The following SPAG16 variants were observed in gnomAD, a reference collection of about 807,000 sequenced individuals.
The protein encoded by SPAG16 is sperm associated antigen 16.
A neutral mutation model predicts 80.4 loss-of-function variants in SPAG16; 86 were observed. The observed-to-expected ratio is 1.07, with a 90% CI of 0.90 to 1.28. SPAG16 has a LOEUF of 1.28. SPAG16 is among the 50% of genes most tolerant of loss of function. The pLI is 0.00. For missense variants in SPAG16, 870 were observed against 765.3 expected (o/e 1.14, Z -1.61); for synonymous variants, 294 against 265.9 (o/e 1.11, Z -1.03).
rs138149501 is a variant in SPAG16 at position 213,827,702 on chromosome 2, A to T, written c.1071-34783A>T. 9.5e-3 allele frequency among the ~76,000 whole-genome samples: 1,441 copies of T among 152,106 alleles called. 14 individuals are homozygous for T. Among genetic ancestry groups the T allele is most frequent in the South Asian group, 0.032 (156 of 4,824 alleles). On this transcript the variant is annotated intron_variant, in intron 10 of 15. Coordinates refer to ENST00000331683, the MANE Select transcript of SPAG16 (RefSeq NM_024532.5). Reference sequence around the variant, plus strand: ...CTCCCTTTAGCATTTCTTGTAGGACAGGTCTGGTGTTGAAATTCCAGAGCT... The same window carrying T: ...CTCCCTTTAGCATTTCTTGTAGGACTGGTCTGGTGTTGAAATTCCAGAGCT...
At chr2:213,827,293 A>G (rs908278534) in intron 10 of SPAG16, among the ~76,000 whole-genome samples, 1 of 151,254 alleles carries the variant, frequency 6.6e-6, no homozygotes, top group Non-Finnish European at 1.5e-5. Context: ...GTGATTTTCT[A>G]TGGTGATTTG....
At chr2:214,222,105 C>CTATTCTTT (rs2058587165) in intron 15 of SPAG16, among the ~76,000 whole-genome samples, 4 of 116,666 alleles carry the variant, frequency 3.4e-5, no homozygotes, top group African/African-American at 1.1e-4. Context: ...AGTTTCCTTG[C>CTATTCTTT]TATTCTTTTT....
chr2:214,086,212 C>T (rs1356725967), intron 13 of SPAG16, among the ~76,000 whole-genome samples: 2 of 152,122 alleles, frequency 1.3e-5, no homozygotes, highest in African/African-American at 4.8e-5. Context: ...CAAAATATTG[C>T]CTTGCACAAA....
chr2:213,323,275 C>T (rs2063700359), intron 5 of SPAG16, among the ~76,000 whole-genome samples: 1 of 151,996 alleles, frequency 6.6e-6, no homozygotes, highest in Non-Finnish European at 1.5e-5. Context: ...CCCGTCTCTT[C>T]TAAAAAATAC....
chr2:214,329,179 C>A (rs72952050), intron 15 of SPAG16, among the ~76,000 whole-genome samples: 16 of 152,348 alleles, frequency 1.1e-4, no homozygotes, highest in African/African-American at 3.4e-4. Flanking sequence ...CTGGGGATGG[C>A]TCCATCTCAA....
intron 3 of SPAG16, among the ~76,000 whole-genome samples, chr2:213,300,228 C>G (rs1039956811): frequency 6.6e-6 from 1 of 152,168 alleles, no homozygotes; most frequent in Admixed American, 6.6e-5. Context: ...TTTTCCTCCT[C>G]CTGCTACCCC....
At chr2:213,864,065 A>G (rs1158974950) in intron 11 of SPAG16, among the ~76,000 whole-genome samples, 2 of 152,168 alleles carry the variant, frequency 1.3e-5, no homozygotes, top group South Asian at 2.1e-4. Context: ...ATTAATAAAA[A>G]AGAAAAAATG....
chr2:213,502,926 G>C (rs551911998), intron 10 of SPAG16, among the ~76,000 whole-genome samples: 1 of 152,274 alleles, frequency 6.6e-6, no homozygotes, highest in South Asian at 2.1e-4. Flanking sequence ...TGAGTTCCTA[G>C]AAAACAGTGA....
At chr2:213,544,183 C>A (rs1213881152) in intron 10 of SPAG16, among the ~76,000 whole-genome samples, 16 of 151,890 alleles carry the variant, frequency 1.1e-4, no homozygotes, top group Admixed American at 9.8e-4. Context: ...TGAATAACTT[C>A]TTTGACTTTA....
At chr2:213,800,311 C>T (rs1231331112) in intron 10 of SPAG16, among the ~76,000 whole-genome samples, 1 of 147,944 alleles carries the variant, frequency 6.8e-6, no homozygotes, top group Non-Finnish European at 1.5e-5. Context: ...TCCCTTTCTC[C>T]TTCCCTCCCT....
chr2:213,907,616 C>T (rs1352565594), intron 11 of SPAG16, among the ~76,000 whole-genome samples: 1 of 152,032 alleles, frequency 6.6e-6, no homozygotes, highest in African/African-American at 2.4e-5. Context: ...CACAATAAAT[C>T]AACCTAAATG....
chr2:214,134,121 CAT>C lies in SPAG16; in HGVS notation c.1594-15017_1594-15016del, dbSNP rs577558694. On this transcript the variant is annotated intron_variant, in intron 14 of 15. Transcript: ENST00000331683. Reference sequence around the variant, plus strand: ...CAGCAGTCTGGACTTAATGACGACTCATAGTTTCTGACTGATCTCCAAATCCA... The same window carrying C: ...CAGCAGTCTGGACTTAATGACGACTCAGTTTCTGACTGATCTCCAAATCCA... 1.5e-3 allele frequency among the ~76,000 whole-genome samples: 227 copies of C among 152,310 alleles called. 2 individuals carry two copies. The highest frequency in any genetic ancestry group is 2.5e-3 in the Non-Finnish European group (173 of 68,032).
intron 10 of SPAG16, among the ~76,000 whole-genome samples, chr2:213,606,096 C>T (rs1449467507): frequency 1.3e-5 from 2 of 152,130 alleles, no homozygotes; most frequent in Non-Finnish European, 2.9e-5. Flanking sequence ...TGGTTTCTTC[C>T]ATTAACATAA....
chr2:214,339,282 C>T (rs1349136495), intron 15 of SPAG16, among the ~76,000 whole-genome samples: 8 of 151,982 alleles, frequency 5.3e-5, no homozygotes, highest in Non-Finnish European at 2.9e-5. Flanking sequence ...AAAGACAAGT[C>T]CACACATTTT....
chr2:214,211,946 C>T (rs1379086563), intron 15 of SPAG16, among the ~76,000 whole-genome samples: 2 of 152,146 alleles, frequency 1.3e-5, no homozygotes, highest in Non-Finnish European at 2.9e-5. Flanking sequence ...CTCCAATTTA[C>T]CACTCTAGTT....
At chr2:213,839,803 A>G (rs528868007) in intron 10 of SPAG16, among the ~76,000 whole-genome samples, 1 of 152,274 alleles carries the variant, frequency 6.6e-6, no homozygotes, top group Admixed American at 6.5e-5. Flanking sequence ...ATAGTGGGGA[A>G]TTACTCACAT....
At chr2:214,102,105 G>C (rs927468406) in intron 13 of SPAG16, among the ~76,000 whole-genome samples, 2 of 131,970 alleles carry the variant, frequency 1.5e-5, no homozygotes, top group South Asian at 5.0e-4. Context: ...ATCTGGTGAG[G>C]GTGGTTTTTT....
At chr2:214,028,657 C>T (rs2048256827) in intron 13 of SPAG16, among the ~76,000 whole-genome samples, 1 of 151,842 alleles carries the variant, frequency 6.6e-6, no homozygotes, top group African/African-American at 2.4e-5. Context: ...AAATAAGAAT[C>T]TTCTGTATTT....
rs1051090692 is a variant in SPAG16, at chr2:213,566,946, T to C, written c.1070+76856T>C. ...ATCTTTTGACTCTAGCACTTAATTT[T>C]CTTATCAAACTATTTTTCATAGTTA... On this transcript the variant is annotated intron_variant, in intron 10 of 15. Coordinates refer to ENST00000331683, the MANE Select transcript of SPAG16 (RefSeq NM_024532.5). 2.6e-5 allele frequency among the ~76,000 whole-genome samples: 4 copies of C among 152,344 alleles called. 1 individual carries two copies. The highest frequency in any genetic ancestry group is 9.6e-5 in the African/African-American group (4 of 41,590).
Sources: gnomAD v4.1 joint callset for allele counts (sites outside exome capture counted in the v4.1 genomes callset) on GRCh38, gnomAD v4.1.1 for gene constraint, MANE v1.5 for transcripts, NCBI Gene and HGNC (gene_info 2026-07-23, HGNC 2026-07-21) for gene names.